ENPP3: variants seen among roughly 807,000 people sequenced by gnomAD.
ENPP3 encodes the protein ectonucleotide pyrophosphatase/phosphodiesterase 3.
ENPP3 carries 104 observed loss-of-function variants against 117.8 expected under a neutral mutation model. That is an observed-to-expected ratio of 0.88 (90% confidence interval 0.75 to 1.04). The LOEUF (loss-of-function observed/expected upper bound fraction) is 1.04. Among genes scored for constraint, ENPP3 ranks in the 50% least tolerant of loss-of-function variants. ENPP3 has a pLI of 0.00. For missense variants in ENPP3, 1,026 were observed against 1,051.9 expected (o/e 0.98, Z 0.34); for synonymous variants, 380 against 349.9 (o/e 1.09, Z -0.96).
At chr6:131,709,791 T>G in intron 15 of ENPP3, 3 of 1,613,506 alleles carry the variant, frequency 1.9e-6, no homozygotes, top group Non-Finnish European at 2.5e-6. Flanking sequence ...CTTCCTCTAT[T>G]CGGTAATTTT....
intron 16 of ENPP3, among the ~76,000 whole-genome samples, chr6:131,719,382 AACACACACACACACAC>A (rs3032879): frequency 7.5e-6 from 1 of 133,126 alleles, no homozygotes; most frequent in African/African-American, 3.0e-5. Context: ...TTCCATTTGT[AACACACACACACACAC>A]ACACACACAC....
chr6:131,709,776 C>A lies in ENPP3; in HGVS notation c.1413-8896C>A. The A allele has an allele frequency of 6.2e-7, 1 of 1,613,822 alleles. No individual in the cohort carries two copies. The highest frequency in any genetic ancestry group is 2.2e-5 in the East Asian group (1 of 44,852). On this transcript the variant is annotated intron_variant, in intron 15 of 24. Coordinates refer to ENST00000357639, the MANE Select transcript of ENPP3 (RefSeq NM_005021.5). ...TCTTTTCTTCCACTCTAGAAAGCTTCTCTTCTTCCTCTATTCGGTAATTTT... is the reference window on the plus strand; with the variant it reads ...TCTTTTCTTCCACTCTAGAAAGCTTATCTTCTTCCTCTATTCGGTAATTTT...
intron 20 of ENPP3, among the ~76,000 whole-genome samples, chr6:131,732,855 G>C (rs1780315945): frequency 6.6e-6 from 1 of 151,664 alleles, no homozygotes; most frequent in Admixed American, 6.6e-5. Flanking sequence ...TCAGCCTCCA[G>C]AGTAGCTGGG....
At chr6:131,717,168 A>AG in intron 15 of ENPP3, among the ~76,000 whole-genome samples, 1 of 151,932 alleles carries the variant, frequency 6.6e-6, no homozygotes, top group Non-Finnish European at 1.5e-5. Context: ...GGTAGAGTTG[A>AG]GTGAGTGTGG....
At chr6:131,694,125 A>G (rs1432184343) in intron 15 of ENPP3, among the ~76,000 whole-genome samples, 1 of 152,260 alleles carries the variant, frequency 6.6e-6, no homozygotes, top group East Asian at 1.9e-4. Flanking sequence ...TGCAAAATTT[A>G]AATGTGCTTA....
At chr6:131,709,773 C>T in intron 15 of ENPP3, 4 of 1,613,864 alleles carry the variant, frequency 2.5e-6, no homozygotes, top group Non-Finnish European at 3.4e-6. Flanking sequence ...CTCTAGAAAG[C>T]TTCTCTTCTT....
In ENPP3 at chr6:131,688,896, CAAAAAAA is replaced by C. The variant is rs34743742; in HGVS notation, c.1284+3004_1284+3010del. Among the ~76,000 whole-genome samples the C allele has an allele frequency of 2.5e-3, 224 of 88,286 alleles. 1 individual carries two copies. Among genetic ancestry groups the C allele is most frequent in the Non-Finnish European group, 5.3e-3 (205 of 38,542 alleles). 57.9% of individuals were successfully genotyped at this position (88,286 alleles called of 152,430 possible). On this transcript the variant is annotated intron_variant, in intron 14 of 24. Transcript: ENST00000357639. ...GTGAAACCCGTCTCTACTAAAAATC[CAAAAAAA>C]AAAAAAAAAAAAAATAGCCAGGCGT...
rs368202925 is a variant in ENPP3 at position 131,726,095 on chromosome 6, G to A, written c.1848G>A (p.Leu616=). 4 of 1,613,134 alleles carry A rather than the reference G, an allele frequency of 2.5e-6. No individual in the cohort carries two copies. Among genetic ancestry groups the A allele is most frequent in the African/African-American group, 1.3e-5 (1 of 74,904 alleles). ...VNLPFGRPRV[L]QKNVDHCLLY... is the part of the protein sequence containing the mutation. ...TGCCATTTGGGAGGCCTAGGGTACT[G>A]CAGAAGAACGTGGACCACTGTCTCC... Residue 616 remains leucine (L), a synonymous_variant, in exon 20 of 25, where the codon CTG becomes CTA. Transcript: ENST00000357639.
intron 9 of ENPP3, chr6:131,675,456 G>A: frequency 3.0e-6 from 1 of 331,064 alleles, no homozygotes; most frequent in Non-Finnish European, 5.6e-6. Context: ...TGTATTAACT[G>A]CAGTTGCCTC....
At chr6:131,685,565 T>G in intron 13 of ENPP3, 70 bp downstream of exon 13, 1 of 1,503,174 alleles carries the variant, frequency 6.7e-7, no homozygotes, top group Admixed American at 1.9e-5. Flanking sequence ...CCACTAATTC[T>G]GAGAGGAAGT....
intron 23 of ENPP3, 76 bp from the exon 24 acceptor site, chr6:131,740,148 C>A: frequency 8.9e-7 from 1 of 1,123,416 alleles, no homozygotes; most frequent in South Asian, 2.6e-5. Flanking sequence ...ATGAAAAAAA[C>A]TATGTAAACA....
At chr6:131,722,552 A>G in intron 18 of ENPP3, 147 bp downstream of exon 18, 1 of 644,070 alleles carries the variant, frequency 1.6e-6, no homozygotes, top group East Asian at 2.7e-5. Context: ...TCTGAACCTT[A>G]CCTGGAAACG....
Position 131,652,560 on chromosome 6 carries a change from A to G in ENPP3, c.296A>G (p.Asn99Ser), listed in dbSNP as rs201032685. Reference sequence around the variant, plus strand: ...TTTACAGCTCGAATATGGATGTGCAATAAATTTCGTTGTGGAGAGACCAGA... The same window carrying G: ...TTTACAGCTCGAATATGGATGTGCAGTAAATTTCGTTGTGGAGAGACCAGA... ...CVESTRIWMCNKFRCGETRLE... is the reference protein window; with the variant it reads ...CVESTRIWMCSKFRCGETRLE... The change falls in exon 4 of 25, where the codon AAT (asparagine) becomes AGT (serine). Residue 99 changes from asparagine to serine, a missense_variant. Asn to Ser is a conservative substitution (Grantham distance 46, BLOSUM62 1). Transcript: ENST00000357639. The G allele has an allele frequency of 3.0e-4, 490 of 1,613,938 alleles. No homozygotes were observed. Among genetic ancestry groups the G allele is most frequent in the Non-Finnish European group, 3.3e-4 (384 of 1,179,906 alleles).
At chr6:131,727,841 T>G (rs1444305067) in intron 20 of ENPP3, among the ~76,000 whole-genome samples, 1 of 152,168 alleles carries the variant, frequency 6.6e-6, no homozygotes, top group Non-Finnish European at 1.5e-5. Flanking sequence ...GATGACAAAC[T>G]TATAGCTATT....
Position 131,679,031 on chromosome 6 carries a change from T to C in ENPP3, c.1011+1091T>C, listed in dbSNP as rs1271845240. ...CTTCCTTCCTTCCTTCCTTCCTTCT[T>C]TCTTTCTTTCTTTCTTTCTTTCTTT... is the stretch of plus-strand genomic sequence containing the variant. On this transcript the variant is annotated intron_variant, in intron 11 of 24. Transcript: ENST00000357639. Among the ~76,000 whole-genome samples the C allele has an allele frequency of 6.2e-4, 57 of 92,538 alleles. 3 individuals carry two copies. The highest frequency in any genetic ancestry group is 3.1e-3 in the African/African-American group (55 of 17,964). 60.7% of individuals were successfully genotyped at this position (92,538 alleles called of 152,430 possible). A position where few individuals can be genotyped will look rare whatever the true frequency, so the allele number is the denominator to read the frequency against.
Position 131,675,188 on chromosome 6 carries a change from G to A in ENPP3, c.871G>A (p.Gly291Arg), listed in dbSNP as rs751294894. 6 of 1,520,338 alleles carry A rather than the reference G, an allele frequency of 3.9e-6. No homozygotes were observed. Among genetic ancestry groups the A allele is most frequent in the South Asian group, 1.1e-5 (1 of 89,016 alleles). 94.2% of individuals were successfully genotyped at this position (1,520,338 alleles called of 1,614,324 possible). A position where few individuals can be genotyped will look rare whatever the true frequency, so the allele number is the denominator to read the frequency against. ...TCCTTCCATATACATGCCTTACAACGGGTAGTGAAGCACTTTCAGATATTC... is the reference window on the plus strand; with the variant it reads ...TCCTTCCATATACATGCCTTACAACAGGTAGTGAAGCACTTTCAGATATTC... ...SFPSIYMPYN[G>R]SVPFEERIST... The change falls in exon 9 of 25, where the codon GGA (glycine) becomes AGA (arginine). Residue 291 changes from glycine (G) to arginine (R), a missense_variant and splice_region_variant. Physicochemically the swap from Gly to Arg is moderately radical, Grantham distance 125. Coordinates refer to ENST00000357639, the MANE Select transcript of ENPP3 (RefSeq NM_005021.5).
intron 6 of ENPP3, 121 bp from the exon 7 acceptor site, chr6:131,671,127 C>A: frequency 1.5e-6 from 1 of 677,410 alleles, no homozygotes; most frequent in Non-Finnish European, 2.7e-6. Flanking sequence ...CTCTTTCCAT[C>A]TTTAATCCAC....
At chr6:131,671,202 C>A in intron 6 of ENPP3, 46 bp from the exon 7 acceptor site, 2 of 1,085,486 alleles carry the variant, frequency 1.8e-6, no homozygotes, top group Non-Finnish European at 2.8e-6. Context: ...ATCCAAAAAA[C>A]TGAAGAAGAA....
intron 21 of ENPP3, 71 bp from the exon 22 acceptor site, chr6:131,737,284 A>G: frequency 1.2e-6 from 1 of 840,456 alleles, no homozygotes; most frequent in Non-Finnish European, 2.0e-6. Flanking sequence ...ATGTAATAGT[A>G]GTATGCCTGT....
Sources: gnomAD v4.1 joint callset for allele counts (sites outside exome capture counted in the v4.1 genomes callset) on GRCh38, gnomAD v4.1.1 for gene constraint, MANE v1.5 for transcripts, NCBI Gene and HGNC (gene_info 2026-07-23, HGNC 2026-07-21) for gene names.